The following RFFL variants were observed in gnomAD, a reference collection of about 807,000 sequenced individuals.
The protein encoded by RFFL is ring finger and FYVE like domain containing E3 ubiquitin protein ligase.
RFFL carries 16 observed loss-of-function variants against 40.4 expected under a neutral mutation model. The ratio of observed to expected loss-of-function variants is 0.40; its 90% CI spans 0.27 to 0.60. RFFL has a LOEUF of 0.60. Among genes scored for constraint, RFFL ranks in the 20% least tolerant of loss-of-function variants. RFFL has a pLI of 0.47. For missense variants in RFFL, 367 were observed against 451.7 expected, an observed-to-expected ratio of 0.81 and a Z score of 1.70; for synonymous variants, 154 against 167.9, an observed-to-expected ratio of 0.92 and a Z score of 0.64.
chr17:35,014,951 G>A (rs1293027162), intron 5 of RFFL, among the ~76,000 whole-genome samples, 188 bp from the exon 6 acceptor site: 1 of 152,044 alleles, frequency 6.6e-6, no homozygotes, highest in African/African-American at 2.4e-5. Context: ...GCTCCTACTC[G>A]TGCATCTGGT....
intron 1 of RFFL, among the ~76,000 whole-genome samples, chr17:35,073,467 T>A (rs558787897): frequency 6.6e-6 from 1 of 152,166 alleles, no homozygotes; most frequent in Middle Eastern, 3.2e-3. Flanking sequence ...GTTTTTCTTA[T>A]AAAAGAAGAA....
chr17:35,016,250 G>A (rs1264781852), intron 5 of RFFL, 120 bp downstream of exon 5: 1 of 845,052 alleles, frequency 1.2e-6, no homozygotes, highest in Non-Finnish European at 1.9e-6. Flanking sequence ...GTGCAAATAT[G>A]TAAGGTGTCT....
At chr17:35,037,875 C>T (rs1329408128) in intron 1 of RFFL, among the ~76,000 whole-genome samples, 3 of 152,174 alleles carry the variant, frequency 2.0e-5, no homozygotes, top group African/African-American at 7.2e-5. Context: ...CAGAATCTCC[C>T]AGGTGTTAAA....
At chr17:35,065,126 A>G (rs1307258370), upstream of RFFL, among the ~76,000 whole-genome samples, 2 of 152,166 alleles carry the variant, frequency 1.3e-5, no homozygotes, top group Non-Finnish European at 1.5e-5. Flanking sequence ...CACACTTTAA[A>G]AAAAATTTCT....
chr17:35,078,151 G>T (rs1251115742), intron 1 of RFFL, among the ~76,000 whole-genome samples: 1 of 151,940 alleles, frequency 6.6e-6, no homozygotes, highest in Non-Finnish European at 1.5e-5. Flanking sequence ...TAGGAACCAG[G>T]AATCTTTATT....
At chr17:35,027,305 T>C (rs536657728) in intron 1 of RFFL, among the ~76,000 whole-genome samples, 5 of 152,350 alleles carry the variant, frequency 3.3e-5, no homozygotes, top group Admixed American at 3.3e-4. Context: ...TACTAAGCCA[T>C]AAATTCCTCC....
intron 1 of RFFL, among the ~76,000 whole-genome samples, chr17:35,072,621 G>A (rs1289327771): frequency 1.3e-5 from 2 of 151,894 alleles, no homozygotes; most frequent in Non-Finnish European, 2.9e-5. Context: ...CAGTTTCCTG[G>A]TGTTGATATT....
rs568633199 is a variant in RFFL, at chr17:35,085,391, A to G, written c.-9+3714T>C. 1.1e-4 allele frequency among the ~76,000 whole-genome samples: 16 copies of G among 152,344 alleles called. No individual in the cohort carries two copies. The East Asian group carries it at 3.1e-3, about 29-fold the overall frequency. ...AAAAAACAGCTTTTGTTTTATTATCAGATTCAAAAAGCTGGTTTTACTCCA... is the reference window on the plus strand; with the variant it reads ...AAAAAACAGCTTTTGTTTTATTATCGGATTCAAAAAGCTGGTTTTACTCCA... On this transcript the variant is annotated intron_variant, in intron 1 of 6. Coordinates refer to the RFFL transcript ENST00000315249.
At chr17:35,040,844 T>C (rs2091159823) in intron 1 of RFFL, among the ~76,000 whole-genome samples, 1 of 63,772 alleles carries the variant, frequency 1.6e-5, no homozygotes, top group Non-Finnish European at 2.9e-5. Context: ...TTAATGTCTT[T>C]TTTTTTTTTT....
chr17:35,014,878 T>C, intron 5 of RFFL, 115 bp from the exon 6 acceptor site: 1 of 1,029,924 alleles, frequency 9.7e-7, no homozygotes, highest in Non-Finnish European at 1.5e-6. Context: ...GGAACCAGGC[T>C]TGCCAAGAGC....
rs2090901993 is a variant in RFFL at position 35,007,275 on chromosome 17, A to G, written c.*4693T>C. On this transcript the variant is annotated 3_prime_UTR_variant, in exon 7 of 7. Coordinates refer to ENST00000394597, the MANE Select transcript of RFFL (RefSeq NM_001017368.2). ...TCCCTTCTCTGCCTTAGTGTGTGTT[A>G]TTGCCATTTCAATGTCAGTGGTTTT... 1 of 152,258 alleles carries G rather than the reference A, an allele frequency of 6.6e-6. No individual in the cohort carries two copies. The highest frequency in any genetic ancestry group is 2.4e-5 in the African/African-American group (1 of 41,452). The allele number at this position is 152,258 out of a possible 1,614,324, so 9.4% of individuals were successfully genotyped here.
intron 1 of RFFL, chr17:35,074,237 A>AT (rs1237829501): frequency 2.0e-5 from 3 of 152,032 alleles, no homozygotes; most frequent in African/African-American, 7.2e-5. Context: ...CATTGTTTTC[A>AT]TTTTTTCCAC....
At chr17:35,056,376 T>C (rs1247190937) in intron 1 of RFFL, among the ~76,000 whole-genome samples, 1 of 79,442 alleles carries the variant, frequency 1.3e-5, no homozygotes, top group Non-Finnish European at 2.1e-5. Flanking sequence ...TTACTTCTAC[T>C]TTTTTTTTTT....
rs1474129239 is a variant in RFFL, at chr17:35,011,115, G to A, written c.*853C>T. 6.6e-6 allele frequency: 1 copy of A among 152,212 alleles called. No homozygotes were observed. The highest frequency in any genetic ancestry group is 1.5e-5 in the Non-Finnish European group (1 of 68,034). 9.4% of individuals were successfully genotyped at this position (152,212 alleles called of 1,614,324 possible). A position where few individuals can be genotyped will look rare whatever the true frequency, so the allele number is the denominator to read the frequency against. On this transcript the variant is annotated 3_prime_UTR_variant, in exon 7 of 7. Coordinates refer to ENST00000394597, the MANE Select transcript of RFFL (RefSeq NM_001017368.2). ...GGATCAGAAGCCAAGCCAAAATTAA[G>A]GAGAAGGCCACTGCCTCCACCCATT...
intron 1 of RFFL, among the ~76,000 whole-genome samples, chr17:35,029,138 G>A (rs1189308526): frequency 1.3e-5 from 2 of 151,836 alleles, no homozygotes; most frequent in African/African-American, 2.4e-5. Context: ...AAGTTCCCAG[G>A]AGAGGAACTT....
At chr17:35,040,140 C>T (rs1353903251) in intron 1 of RFFL, among the ~76,000 whole-genome samples, 1 of 152,126 alleles carries the variant, frequency 6.6e-6, no homozygotes. Flanking sequence ...TGGACACAAG[C>T]GACTCTCCCC....
chr17:35,026,223 T>C, intron 2 of RFFL, 151 bp downstream of exon 2: 1 of 739,124 alleles, frequency 1.4e-6, no homozygotes, highest in Non-Finnish European at 2.2e-6. Flanking sequence ...ACTCAGTTAG[T>C]TCTTCTTGAA....
intron 1 of RFFL, among the ~76,000 whole-genome samples, chr17:35,081,596 G>A (rs1195430077): frequency 6.6e-6 from 1 of 152,082 alleles, no homozygotes; most frequent in Non-Finnish European, 1.5e-5. Context: ...TGCTTAAACA[G>A]CCAATTATGT....
intron 1 of RFFL, among the ~76,000 whole-genome samples, chr17:35,054,152 CT>C (rs567446297): frequency 2.8e-4 from 43 of 152,320 alleles, no homozygotes; most frequent in Non-Finnish European, 5.1e-4. Flanking sequence ...CCTTCCACCC[CT>C]GTCATACCCT....
Sources: gnomAD v4.1 joint callset for allele counts (sites outside exome capture counted in the v4.1 genomes callset) on GRCh38, gnomAD v4.1.1 for gene constraint, MANE v1.5 for transcripts, NCBI Gene and HGNC (gene_info 2026-07-23, HGNC 2026-07-21) for gene names.